Variants in EML5 observed in about 807,000 individuals in gnomAD.
EML5 encodes EMAP like 5, also known as echinoderm microtubule-associated protein-like 5.
EML5 carries 120 observed loss-of-function variants against 250.0 expected under a neutral mutation model. That is an observed-to-expected ratio of 0.48 (90% CI 0.41 to 0.56). EML5 has a LOEUF of 0.56. Among genes scored for constraint, EML5 ranks in the 20% least tolerant of loss-of-function variants. The pLI is 0.00. For synonymous variants in EML5, 771 were observed against 806.5 expected (o/e 0.96, Z 0.75); for missense variants, 2,006 against 2,437.6 (o/e 0.82, Z 3.73).
Position 88,792,318 on chromosome 14 carries a change from G to T in EML5, c.186C>A (p.Asp62Glu). 1 of 1,558,356 alleles carries T rather than the reference G, an allele frequency of 6.4e-7. No homozygotes were observed. The highest frequency in any genetic ancestry group is 8.7e-7 in the Non-Finnish European group (1 of 1,153,298). ...CCGCTCCCCGGTACCTGATGATGTC[G>T]TCGCTGTGGCCCCGGTAGAACTTCT... ...HRQKFYRGHS[D>E]DIISLALHPE... The change falls in exon 1 of 44, where the codon GAC becomes GAA. Residue 62 changes from aspartate (D) to glutamate (E), a missense_variant. Asp to Glu is a conservative substitution (Grantham distance 45). Transcript: ENST00000554922. This position sits in a 1 kb window ranked among gnomAD's most constrained non-coding sequence, Gnocchi z 6.9.
rs923151700 is a variant in EML5, at chr14:88,620,205, A to C, written c.5375+549T>G. ...AGCTTTTGACAGACCTAGATTCAAT[A>C]ATCTTATCTACTGATCACACGGAAG... is the stretch of plus-strand genomic sequence containing the variant. On this transcript the variant is annotated intron_variant, in intron 39 of 43. Transcript: ENST00000554922. The surrounding 1 kb of genome is among the most constrained non-coding windows in gnomAD (Gnocchi z 4.3). The C allele has an allele frequency of 6.6e-6, 1 of 152,254 alleles. No homozygotes were observed. Among genetic ancestry groups the C allele is most frequent in the Non-Finnish European group, 1.5e-5 (1 of 68,050 alleles). 9.4% of individuals were successfully genotyped at this position (152,254 alleles called of 1,614,324 possible). A position where few individuals can be genotyped will look rare whatever the true frequency, so the allele number is the denominator to read the frequency against.
intron 13 of EML5, among the ~76,000 whole-genome samples, chr14:88,703,147 A>C (rs1009151348): frequency 6.6e-6 from 1 of 152,228 alleles, no homozygotes; most frequent in African/African-American, 2.4e-5. Flanking sequence ...GAGTGAAAAA[A>C]ACAAGGTAGA....
In EML5 at chr14:88,785,369, T is replaced by A. The variant is rs193200834; in HGVS notation, c.197+6938A>T. ...CTTTGTAATACAAAGGATAAAGCCT[T>A]GAGGGGAAGGATACCCAATTCTTGA... On this transcript the variant is annotated intron_variant, in intron 1 of 43. Transcript: ENST00000554922. Among the ~76,000 whole-genome samples, 61 of 152,338 alleles carry A rather than the reference T, an allele frequency of 4.0e-4. No individual in the cohort carries two copies. In the East Asian group the frequency reaches 9.1e-3, roughly 23 times the overall value.
chr14:88,746,189 T>G lies in EML5; in HGVS notation c.452A>C (p.Asp151Ala). Residue 151 changes from aspartate to alanine, a missense_variant, in exon 3 of 44, where the codon GAT becomes GCT. Asp to Ala is a moderately radical substitution (Grantham distance 126). Transcript: ENST00000554922. ...KMLSMAPGHT[D>A]RIFDISWDLY... ...ATCTCAAAAGAGAATACTTACTCTA[T>G]CTGTATGACCAGGAGCCATAGACAA... 6.2e-7 allele frequency: 1 copy of G among 1,611,288 alleles called. No individual in the cohort carries two copies. The highest frequency in any genetic ancestry group is 8.5e-7 in the Non-Finnish European group (1 of 1,178,002).
Position 88,740,414 on chromosome 14 carries a change from A to C in EML5, c.684T>G (p.Leu228=). ...GDIYVWKGIN[L]IRTIQGAHAA... is the part of the protein sequence containing the mutation. Reference sequence around the variant, plus strand: ...CATGGGCTCCTTGTATTGTTCGTATAAGATTGATTCCTTTCCAAACATATA... The same window carrying C: ...CATGGGCTCCTTGTATTGTTCGTATCAGATTGATTCCTTTCCAAACATATA... The change falls in exon 5 of 44, where the codon CTT becomes CTG. Residue 228 remains leucine (L), a synonymous_variant. Transcript: ENST00000554922. 1 of 1,612,852 alleles carries C rather than the reference A, an allele frequency of 6.2e-7. No homozygotes were observed. The highest frequency in any genetic ancestry group is 8.5e-7 in the Non-Finnish European group (1 of 1,179,468).
intron 8 of EML5, among the ~76,000 whole-genome samples, chr14:88,722,264 G>T (rs1356472803): frequency 6.6e-6 from 1 of 152,130 alleles, no homozygotes; most frequent in East Asian, 1.9e-4. Context: ...CCATTACTGG[G>T]TATATACACA....
At chr14:88,743,998 T>C (rs1444870785) in intron 4 of EML5, 25 bp downstream of exon 4, 2 of 1,498,176 alleles carry the variant, frequency 1.3e-6, no homozygotes, top group Non-Finnish European at 1.8e-6. Context: ...AACGTGACTA[T>C]TATAAAACAA....
At chr14:88,790,596 G>C (rs1299332300) in intron 1 of EML5, among the ~76,000 whole-genome samples, 1 of 152,106 alleles carries the variant, frequency 6.6e-6, no homozygotes, top group Non-Finnish European at 1.5e-5. Flanking sequence ...CAATACAAGT[G>C]TACCACGAGA....
At chr14:88,645,207 G>A (rs2091287790) in intron 29 of EML5, among the ~76,000 whole-genome samples, 1 of 152,000 alleles carries the variant, frequency 6.6e-6, no homozygotes, top group South Asian at 2.1e-4. Flanking sequence ...TGTATTTTTA[G>A]TAGAGATGGG....
chr14:88,740,710 A>T (rs926794701), intron 4 of EML5, 138 bp from the exon 5 acceptor site: 2 of 708,538 alleles, frequency 2.8e-6, no homozygotes, highest in African/African-American at 3.6e-5. Context: ...AATAGCATTC[A>T]ATGTTCAGAT....
intron 20 of EML5, among the ~76,000 whole-genome samples, chr14:88,682,629 G>A (rs894633620): frequency 1.4e-4 from 21 of 151,948 alleles, no homozygotes; most frequent in Admixed American, 8.5e-4. Flanking sequence ...CCCCCAGCTC[G>A]CGGTCAGAGC....
chr14:88,721,983 C>T (rs1233622832), intron 8 of EML5, among the ~76,000 whole-genome samples: 1 of 152,154 alleles, frequency 6.6e-6, no homozygotes, highest in African/African-American at 2.4e-5. Context: ...TGAAAGACAA[C>T]ATTTATGTGG....
At chr14:88,678,217 C>T (rs980325960) in intron 21 of EML5, among the ~76,000 whole-genome samples, 2 of 151,978 alleles carry the variant, frequency 1.3e-5, no homozygotes, top group African/African-American at 2.4e-5. Context: ...GCATGTTCTC[C>T]CTTATAAGTG....
At chr14:88,726,188 A>T (rs1595683715) in intron 8 of EML5, among the ~76,000 whole-genome samples, 2 of 152,210 alleles carry the variant, frequency 1.3e-5, no homozygotes, top group Admixed American at 6.5e-5. Context: ...CCATTTTAAC[A>T]GCCTCAGCTT....
At chr14:88,785,480 T>C (rs1169363415) in intron 1 of EML5, among the ~76,000 whole-genome samples, 3 of 152,156 alleles carry the variant, frequency 2.0e-5, no homozygotes, top group Admixed American at 2.0e-4. Flanking sequence ...CACAAAAATT[T>C]AAAATAAATT....
At chr14:88,662,348 T>C (rs1222062019) in intron 24 of EML5, among the ~76,000 whole-genome samples, 1 of 141,314 alleles carries the variant, frequency 7.1e-6, no homozygotes, top group Non-Finnish European at 1.5e-5. Context: ...TGTTTTTTTT[T>C]TTTTTTTTTT....
chr14:88,625,220 A>C (rs995151743), intron 35 of EML5, 93 bp from the exon 36 acceptor site: 4 of 1,407,120 alleles, frequency 2.8e-6, no homozygotes, highest in Non-Finnish European at 3.9e-6. Context: ...ATGCTGTCTC[A>C]CCCTTGATAC....
intron 1 of EML5, among the ~76,000 whole-genome samples, chr14:88,772,849 T>C (rs1427783968): frequency 6.6e-6 from 1 of 152,200 alleles, no homozygotes; most frequent in East Asian, 1.9e-4. Flanking sequence ...GGCCTTTCTA[T>C]CCCTTAAAAT....
Position 88,705,035 on chromosome 14 carries a change from C to T in EML5, c.1933-57G>A, listed in dbSNP as rs192333485. 3.9e-3 allele frequency: 4,351 copies of T among 1,124,132 alleles called. 16 individuals are homozygous for T. Among genetic ancestry groups the T allele is most frequent in the Non-Finnish European group, 4.9e-3 (3,838 of 783,118 alleles). 69.6% of individuals were successfully genotyped at this position (1,124,132 alleles called of 1,614,324 possible). A position where few individuals can be genotyped will look rare whatever the true frequency, so the allele number is the denominator to read the frequency against. ...TAGAATATATACTAATAAAGGTGTT[C>T]GTATACTCCCAATATAACTTTCAGA... is the stretch of plus-strand genomic sequence containing the variant. On this transcript the variant is annotated intron_variant, in intron 12 of 43. Coordinates refer to ENST00000554922, the MANE Select transcript of EML5 (RefSeq NM_183387.3).
Sources: gnomAD v4.1 joint callset for allele counts (sites outside exome capture counted in the v4.1 genomes callset) on GRCh38, gnomAD v4.1.1 for gene constraint, Gnocchi (gnomAD v3.1) non-coding constraint, MANE v1.5 for transcripts, NCBI Gene and HGNC (gene_info 2026-07-23, HGNC 2026-07-21) for gene names.